The following SDK1 variants were observed in gnomAD, a reference collection of about 807,000 sequenced individuals.
SDK1 encodes protein sidekick-1.
Under a neutral mutation model 245.5 loss-of-function variants are expected in SDK1, and 157 were observed. The ratio of observed to expected loss-of-function variants is 0.64; its 90% CI spans 0.56 to 0.73. SDK1 has a LOEUF of 0.73. Among genes scored for constraint, SDK1 ranks in the 30% least tolerant of loss-of-function variants. The probability of loss-of-function intolerance (pLI) is 0.00; values close to 1 mark genes in which losing one functional copy is unlikely to be tolerated. For missense variants in SDK1, 3,583 were observed against 3,002.3 expected, an observed-to-expected ratio of 1.19 and a Z score of -4.52; for synonymous variants, 1,647 against 1,278.5, an observed-to-expected ratio of 1.29 and a Z score of -6.15.
intron 9 of SDK1, among the ~76,000 whole-genome samples, chr7:3,965,662 C>G (rs545132226): frequency 6.6e-6 from 1 of 152,036 alleles, no homozygotes; most frequent in African/African-American, 2.4e-5. Flanking sequence ...CCTGTGCTTC[C>G]AGGACAGAGG....
At chr7:3,350,144 G>A (rs1254009688) in intron 1 of SDK1, among the ~76,000 whole-genome samples, 2 of 152,198 alleles carry the variant, frequency 1.3e-5, no homozygotes, top group Admixed American at 1.3e-4. Flanking sequence ...GCCATTTTAA[G>A]TCTATCAGTA....
At chr7:4,155,388 T>C (rs890076701) in intron 30 of SDK1, among the ~76,000 whole-genome samples, 11 of 152,212 alleles carry the variant, frequency 7.2e-5, no homozygotes, top group African/African-American at 2.7e-4. Flanking sequence ...GCCAGGCTGA[T>C]TTGTCCAGCC....
intron 1 of SDK1, among the ~76,000 whole-genome samples, chr7:3,433,920 T>C (rs1779941115): frequency 6.6e-6 from 1 of 152,186 alleles, no homozygotes; most frequent in Admixed American, 6.5e-5. Flanking sequence ...AATATAATGA[T>C]TTATTAATAA....
At position 4,175,781 on chromosome 7, in the gene SDK1, G is replaced by T. The variant is rs752356098; in HGVS notation, c.4943G>T (p.Ser1648Ile). 6 of 1,613,990 alleles carry T rather than the reference G, an allele frequency of 3.7e-6. No homozygotes were observed. The highest frequency in any genetic ancestry group is 5.1e-6 in the Non-Finnish European group (6 of 1,179,988). ...GCTTTGCTTACCCCAATAGCCCAAAGCAGCTTCAAGACGGTGAACAGCAGC... is the reference window on the plus strand; with the variant it reads ...GCTTTGCTTACCCCAATAGCCCAAATCAGCTTCAAGACGGTGAACAGCAGC... ...IALHAELTAQSSFKTVNSSST... is the reference protein window; with the variant it reads ...IALHAELTAQISFKTVNSSST... Residue 1648 changes from serine to isoleucine, a missense_variant, in exon 34 of 45, where the codon AGC becomes ATC. Physicochemically the swap from Ser to Ile is moderately radical, Grantham distance 142 (BLOSUM62 -2). Transcript: ENST00000404826.
intron 19 of SDK1, among the ~76,000 whole-genome samples, chr7:4,063,122 G>C (rs1049193310): frequency 5.9e-5 from 9 of 152,062 alleles, no homozygotes; most frequent in African/African-American, 2.2e-4. Flanking sequence ...GCAAAAGAAA[G>C]GAATAAAAGG....
chr7:3,664,459 C>G (rs548647641), intron 4 of SDK1, among the ~76,000 whole-genome samples: 1 of 152,218 alleles, frequency 6.6e-6, no homozygotes, highest in Middle Eastern at 3.4e-3. Flanking sequence ...GAACTAGCAT[C>G]CGGGCACAGT....
chr7:3,433,966 C>G (rs952791902), intron 1 of SDK1, among the ~76,000 whole-genome samples: 2 of 152,128 alleles, frequency 1.3e-5, no homozygotes, highest in African/African-American at 4.8e-5. Context: ...CGCATAACTA[C>G]CGCAATGCAT....
At chr7:3,890,389 G>T (rs1781431613) in intron 5 of SDK1, among the ~76,000 whole-genome samples, 1 of 152,222 alleles carries the variant, frequency 6.6e-6, no homozygotes, top group African/African-American at 2.4e-5. Flanking sequence ...ATGTTTTTAT[G>T]TTGATTGCAT....
rs1554254558 is a variant in SDK1 at position 3,723,975 on chromosome 7, G to GAA, written c.713+81871_713+81872insAA. Among the ~76,000 whole-genome samples the GAA allele has an allele frequency of 2.1e-3, 301 of 144,960 alleles. 10 individuals carry two copies. The highest frequency in any genetic ancestry group is 7.5e-3 in the African/African-American group (281 of 37,582). ...AGAGAGAGAGAGAGAGAGAGAGAGA[G>GAA]AGAAAGAGAGAGAGAGTCTCACCTG... On this transcript the variant is annotated intron_variant, in intron 4 of 44. Coordinates refer to ENST00000404826, the MANE Select transcript of SDK1 (RefSeq NM_152744.4).
rs1431679079 is a variant in SDK1, at chr7:3,736,354, C to T, written c.714-85096C>T. ...TGTCGCCCAGGCTGGAGTGCAGTGG[C>T]ACGTCTCGGCTCACTGCGAGCTCTG... On this transcript the variant is annotated intron_variant, in intron 4 of 44. Transcript: ENST00000404826. Among the ~76,000 whole-genome samples the T allele has an allele frequency of 2.0e-4, 30 of 152,138 alleles. 1 individual carries two copies. The highest frequency in any genetic ancestry group is 2.0e-3 in the Admixed American group (30 of 15,284).
chr7:3,876,053 A>G (rs1330029276), intron 5 of SDK1, among the ~76,000 whole-genome samples: 2 of 152,090 alleles, frequency 1.3e-5, no homozygotes, highest in African/African-American at 2.4e-5. Flanking sequence ...TGTCATTCCA[A>G]TCCACCGCTC....
intron 2 of SDK1, among the ~76,000 whole-genome samples, chr7:3,625,113 A>T (rs1243819688): frequency 1.3e-5 from 2 of 152,174 alleles, no homozygotes; most frequent in African/African-American, 4.8e-5. Context: ...TTTTGCAAAC[A>T]TTCAAAATAG....
At chr7:3,502,359 C>T (rs980258003) in intron 1 of SDK1, among the ~76,000 whole-genome samples, 5 of 152,142 alleles carry the variant, frequency 3.3e-5, no homozygotes, top group African/African-American at 1.2e-4. Context: ...AAGCTATTCT[C>T]TTGCCTCAGC....
At chr7:4,212,807 A>T (rs1014851121) in intron 38 of SDK1, among the ~76,000 whole-genome samples, 2 of 152,248 alleles carry the variant, frequency 1.3e-5, no homozygotes, top group African/African-American at 4.8e-5. Context: ...AAAGCTTCAT[A>T]GTTCTGATTG....
At chr7:3,655,068 T>C (rs1011077806) in intron 4 of SDK1, among the ~76,000 whole-genome samples, 1 of 147,722 alleles carries the variant, frequency 6.8e-6, no homozygotes, top group Non-Finnish European at 1.5e-5. Context: ...TTTTTGGCTC[T>C]TAAATCTGTA....
chr7:3,759,674 C>T (rs1251484636), intron 4 of SDK1, among the ~76,000 whole-genome samples: 1 of 151,744 alleles, frequency 6.6e-6, no homozygotes, highest in Non-Finnish European at 1.5e-5. Flanking sequence ...TCATTGCAAC[C>T]TCCACCTCCC....
intron 1 of SDK1, among the ~76,000 whole-genome samples, chr7:3,532,079 G>A (rs901434502): frequency 6.6e-6 from 1 of 152,122 alleles, no homozygotes; most frequent in Non-Finnish European, 1.5e-5. Context: ...GGAAATTTTT[G>A]TAGAACATAC....
At chr7:3,866,636 C>T (rs1780828042) in intron 5 of SDK1, among the ~76,000 whole-genome samples, 1 of 152,132 alleles carries the variant, frequency 6.6e-6, no homozygotes, top group Admixed American at 6.5e-5. Context: ...TCGTGGACTC[C>T]CCTGCCCCTG....
chr7:3,661,803 G>A (rs1175870346), intron 4 of SDK1, among the ~76,000 whole-genome samples: 2 of 152,032 alleles, frequency 1.3e-5, no homozygotes, highest in African/African-American at 4.8e-5. Flanking sequence ...GTGTGGCCTC[G>A]GGCAAGCACC....
Sources: gnomAD v4.1 joint callset for allele counts (sites outside exome capture counted in the v4.1 genomes callset) on GRCh38, gnomAD v4.1.1 for gene constraint, MANE v1.5 for transcripts, NCBI Gene and HGNC (gene_info 2026-07-23, HGNC 2026-07-21) for gene names.